IPO8: variants seen among roughly 807,000 people sequenced by gnomAD.
IPO8 encodes the protein importin-8.
Under a neutral mutation model 141.2 loss-of-function variants are expected in IPO8, and 65 were observed. The observed-to-expected ratio is 0.46, with a 90% CI of 0.38 to 0.57. The LOEUF (loss-of-function observed/expected upper bound fraction) is 0.57. IPO8 is among the 20% of genes least tolerant of loss of function. The probability of loss-of-function intolerance (pLI) is 0.00; values close to 1 mark genes in which losing one functional copy is unlikely to be tolerated. For synonymous variants in IPO8, 411 were observed against 420.3 expected (o/e 0.98, Z 0.27); for missense variants, 980 against 1,246.8 (o/e 0.79, Z 3.22).
chr12:30,634,269 C>A lies in IPO8; in HGVS notation c.2713G>T (p.Glu905Ter). Reference protein sequence around the residue: ...MEENEEISSDEEETNVTAQAM... With the variant: ...MEENEEISSD ...TGAGCAGTTACATTTGTCTCCTCTT[C>A]ATCACTTGAAATCTCCTCTGTGAAC... The change falls in exon 23 of 25, where the codon GAA (glutamate) becomes TAA (stop). Residue 905 changes from glutamate to a stop codon, truncating the protein, a stop_gained. Transcript: ENST00000256079. LOFTEE classifies it high-confidence loss of function. 1 of 1,613,460 alleles carries A rather than the reference C, an allele frequency of 6.2e-7. No individual in the cohort carries two copies. The highest frequency in any genetic ancestry group is 1.7e-5 in the Admixed American group (1 of 60,006).
At chr12:30,692,634 G>A (rs982809321) in intron 1 of IPO8, among the ~76,000 whole-genome samples, 1 of 152,146 alleles carries the variant, frequency 6.6e-6, no homozygotes, top group Admixed American at 6.5e-5. Flanking sequence ...AAAAACTGAT[G>A]TCTCCTCCCA....
chr12:30,680,174 T>C (rs993149671), intron 5 of IPO8, among the ~76,000 whole-genome samples: 6 of 152,096 alleles, frequency 3.9e-5, no homozygotes, highest in Admixed American at 3.9e-4. Flanking sequence ...AACTAATCTA[T>C]AGGCAGGAAT....
intron 16 of IPO8, among the ~76,000 whole-genome samples, chr12:30,657,198 A>G (rs1276173607): frequency 6.6e-6 from 1 of 152,214 alleles, no homozygotes; most frequent in African/African-American, 2.4e-5. Flanking sequence ...ATATTTTCAA[A>G]TGGTATCACA....
Position 30,634,149 on chromosome 12 carries a change from A to C in IPO8, c.2833T>G (p.Phe945Val). The C allele has an allele frequency of 1.2e-6, 2 of 1,613,934 alleles. No individual in the cohort carries two copies. Among genetic ancestry groups the C allele is most frequent in the Non-Finnish European group, 1.7e-6 (2 of 1,179,906 alleles). Residue 945 changes from phenylalanine to valine, a missense_variant, in exon 23 of 25, where the codon TTC becomes GTC. Physicochemically the swap from Phe to Val is conservative, Grantham distance 50 (BLOSUM62 -1). Transcript: ENST00000256079. Reference sequence around the variant, plus strand: ...TTGTCAAGGTCAAGTGGAGTACTGAACCCCTCAAGCGCGGTTTCTTCCAAT... The same window carrying C: ...TTGTCAAGGTCAAGTGGAGTACTGACCCCCTCAAGCGCGGTTTCTTCCAAT... ...EVLEETALEG[F>V]STPLDLDNSV...
At chr12:30,643,656 A>G (rs1365710727) in intron 20 of IPO8, among the ~76,000 whole-genome samples, 2 of 152,298 alleles carry the variant, frequency 1.3e-5, no homozygotes, top group East Asian at 3.9e-4. Context: ...TCATTCTGGC[A>G]CAACTGAATT....
Position 30,695,022 on chromosome 12 carries a change from A to G in IPO8, c.84+542T>C, listed in dbSNP as rs758225329. The G allele has an allele frequency of 4.4e-6, 2 of 456,110 alleles. No homozygotes were observed. Among genetic ancestry groups the G allele is most frequent in the African/African-American group, 2.0e-5 (1 of 50,054 alleles). The allele number at this position is 456,110 out of a possible 1,614,324, so 28.3% of individuals were successfully genotyped here. On this transcript the variant is annotated intron_variant, in intron 1 of 24. Coordinates refer to ENST00000256079, the MANE Select transcript of IPO8 (RefSeq NM_006390.4). The surrounding 1 kb of genome is among the most constrained non-coding windows in gnomAD (Gnocchi z 4.2). ...AGCAGTATCACCATGAAAACTGCCT[A>G]TTCTTCCCAGAGCACTCTCCCAACA...
intron 6 of IPO8, 55 bp downstream of exon 6, chr12:30,676,443 C>A (rs17560141): frequency 0.072 from 89,272 of 1,234,584 alleles, 3,748 homozygotes; most frequent in Middle Eastern, 0.11. Context: ...ATCAGTCTAC[C>A]GCAAACATTC....
chr12:30,637,322 G>A, intron 21 of IPO8, 135 bp from the exon 22 acceptor site: 2 of 675,338 alleles, frequency 3.0e-6, no homozygotes, highest in South Asian at 3.8e-5. Flanking sequence ...GACATTCCCT[G>A]TTTTGTACTG....
At chr12:30,638,357 G>A (rs1240259165) in intron 21 of IPO8, among the ~76,000 whole-genome samples, 1 of 152,190 alleles carries the variant, frequency 6.6e-6, no homozygotes, top group Non-Finnish European at 1.5e-5. Flanking sequence ...TGTCCTGCAA[G>A]TAGAAAAATT....
Position 30,639,743 on chromosome 12 carries a change from A to G in IPO8, c.2269-8T>C, listed in dbSNP as rs1415115804. ...AACGAAGAGTGGAATGCACTAGAAGACAAGCAAAAGAAAGTCAACCACACA... is the reference window on the plus strand; with the variant it reads ...AACGAAGAGTGGAATGCACTAGAAGGCAAGCAAAAGAAAGTCAACCACACA... On this transcript the variant is annotated splice_polypyrimidine_tract_variant and splice_region_variant and intron_variant, in intron 20 of 24. Coordinates refer to ENST00000256079, the MANE Select transcript of IPO8 (RefSeq NM_006390.4). The G allele has an allele frequency of 1.9e-6, 3 of 1,610,354 alleles. No homozygotes were observed. Among genetic ancestry groups the G allele is most frequent in the Admixed American group, 1.7e-5 (1 of 60,018 alleles).
At position 30,639,511 on chromosome 12, in the gene IPO8, A is replaced by C. The variant is rs747292279; in HGVS notation, c.2489+4T>G. On this transcript the variant is annotated splice_donor_region_variant and intron_variant, in intron 21 of 24. Transcript: ENST00000256079. The stretch of plus-strand genomic sequence containing the variant: ...AAGCAGTGTAAAATCCAAAAGACAC[A>C]TACCCAAGAAAACAATCTGTATCAT... 5.6e-5 allele frequency: 89 copies of C among 1,600,120 alleles called. No homozygotes were observed. Among genetic ancestry groups the C allele is most frequent in the Non-Finnish European group, 7.5e-5 (87 of 1,167,442 alleles).
At chr12:30,658,756 A>G (rs975170198) in intron 16 of IPO8, among the ~76,000 whole-genome samples, 1 of 152,126 alleles carries the variant, frequency 6.6e-6, no homozygotes, top group African/African-American at 2.4e-5. Context: ...GGAACATCTC[A>G]CTGTTACCAA....
intron 17 of IPO8, among the ~76,000 whole-genome samples, chr12:30,654,806 T>G (rs1439147899): frequency 6.6e-6 from 1 of 152,000 alleles, no homozygotes; most frequent in Non-Finnish European, 1.5e-5. Flanking sequence ...CCTCAAAAAA[T>G]TAAAGATAGA....
intron 5 of IPO8, chr12:30,677,339 T>A (rs765616965): frequency 2.9e-6 from 1 of 347,106 alleles, no homozygotes; most frequent in Non-Finnish European, 5.7e-6. Flanking sequence ...ACTCAAATAT[T>A]TGTGGTGATG....
At chr12:30,634,040 T>C in intron 23 of IPO8, 43 bp downstream of exon 23, 1 of 1,538,318 alleles carries the variant, frequency 6.5e-7, no homozygotes, top group Non-Finnish European at 8.9e-7. Context: ...AGAAAGAGTT[T>C]AGAAAAAAAA....
At chr12:30,677,953 A>C (rs1290779766) in intron 5 of IPO8, among the ~76,000 whole-genome samples, 1 of 151,656 alleles carries the variant, frequency 6.6e-6, no homozygotes, top group East Asian at 1.9e-4. Flanking sequence ...TGGCCAAAAC[A>C]GTGAAACCCC....
In IPO8 at chr12:30,695,448, G is replaced by A; in HGVS notation, c.84+116C>T. 4.8e-6 allele frequency: 4 copies of A among 827,264 alleles called. No homozygotes were observed. The South Asian group carries it at 6.3e-5, about 13-fold the overall frequency. The allele number at this position is 827,264 out of a possible 1,614,324, so 51.2% of individuals were successfully genotyped here. ...GGTCGGAGAGCGGGACCAGCCGTGA[G>A]GCGTCAGCCCCAGCCCGGTGGGGGT... is the stretch of plus-strand genomic sequence containing the variant. On this transcript the variant is annotated intron_variant, in intron 1 of 24. Transcript: ENST00000256079. This position sits in a 1 kb window ranked among gnomAD's most constrained non-coding sequence, Gnocchi z 4.2.
In IPO8 at chr12:30,662,220, T is replaced by C. The variant is rs925460959; in HGVS notation, c.1755+107A>G. ...CAATCTGTCATTGACTGAAATGTTG[T>C]TAAGCAGCACATGACTGTACAAATA... On this transcript the variant is annotated intron_variant, in intron 15 of 24. Transcript: ENST00000256079. 3.7e-6 allele frequency: 3 copies of C among 814,722 alleles called. No homozygotes were observed. The African/African-American group carries it at 5.2e-5, about 14-fold the overall frequency. 50.5% of individuals were successfully genotyped at this position (814,722 alleles called of 1,614,324 possible). A position where few individuals can be genotyped will look rare whatever the true frequency, so the allele number is the denominator to read the frequency against.
Position 30,681,877 on chromosome 12 carries a change from A to G in IPO8, c.324-60T>C, listed in dbSNP as rs1591843917. On this transcript the variant is annotated intron_variant, in intron 3 of 24. Transcript: ENST00000256079. ...TAATTATAAATACTGTGTTTCAAAG[A>G]CCTCTAATATTTTACATAAAAGTTT... The G allele has an allele frequency of 2.2e-6, 3 of 1,381,506 alleles. No homozygotes were observed. In the East Asian group the frequency reaches 7.3e-5, roughly 34 times the overall value. 85.6% of individuals were successfully genotyped at this position (1,381,506 alleles called of 1,614,324 possible).
Sources: gnomAD v4.1 joint callset for allele counts (sites outside exome capture counted in the v4.1 genomes callset) on GRCh38, gnomAD v4.1.1 for gene constraint, Gnocchi (gnomAD v3.1) non-coding constraint, MANE v1.5 for transcripts, NCBI Gene and HGNC (gene_info 2026-07-23, HGNC 2026-07-21) for gene names.